KCNH1: variants seen among roughly 807,000 people sequenced by gnomAD.
KCNH1 encodes voltage-gated delayed rectifier potassium channel KCNH1.
Under a neutral mutation model 69.2 loss-of-function variants are expected in KCNH1, and 27 were observed. The ratio of observed to expected loss-of-function variants is 0.39; its 90% confidence interval spans 0.29 to 0.54. The LOEUF (loss-of-function observed/expected upper bound fraction) is 0.54. KCNH1 is among the 20% of genes least tolerant of loss of function. KCNH1 has a pLI of 0.68. For synonymous variants in KCNH1, 456 were observed against 487.7 expected (o/e 0.93, Z 0.86); for missense variants, 798 against 1,261.6 (o/e 0.63, Z 5.57).
intron 7 of KCNH1, among the ~76,000 whole-genome samples, chr1:210,917,223 G>GAAAGAA (rs1558524701): frequency 1.2e-5 from 1 of 83,246 alleles, no homozygotes; most frequent in Admixed American, 1.4e-4. Context: ...GAGAGAGAGA[G>GAAAGAA]AGAGAGAGAA....
At chr1:210,911,365 A>G (rs895255933) in intron 7 of KCNH1, among the ~76,000 whole-genome samples, 1 of 152,138 alleles carries the variant, frequency 6.6e-6, no homozygotes, top group Admixed American at 6.5e-5. Flanking sequence ...CCAGACTCCA[A>G]TAAATATAGA....
At chr1:210,689,721 G>A (rs1400011265) in intron 10 of KCNH1, among the ~76,000 whole-genome samples, 1 of 152,210 alleles carries the variant, frequency 6.6e-6, no homozygotes, top group African/African-American at 2.4e-5. Context: ...CAGTCACTGT[G>A]TGACCTTGGG....
chr1:211,100,731 G>A lies in KCNH1; in HGVS notation c.310+2765C>T, dbSNP rs539049608. 3.9e-5 allele frequency among the ~76,000 whole-genome samples: 6 copies of A among 152,332 alleles called. No homozygotes were observed. The South Asian group carries it at 1.2e-3, about 32-fold the overall frequency. Reference sequence around the variant, plus strand: ...GTGTCAGGCACTGGGCTGGGTGCAAGGGGTAGAGCTCTGAAAGAGACGCAC... The same window carrying A: ...GTGTCAGGCACTGGGCTGGGTGCAAAGGGTAGAGCTCTGAAAGAGACGCAC... On this transcript the variant is annotated intron_variant, in intron 3 of 10. Transcript: ENST00000271751.
intron 1 of KCNH1, among the ~76,000 whole-genome samples, chr1:211,121,581 G>C (rs1691685267): frequency 6.6e-6 from 1 of 152,136 alleles, no homozygotes; most frequent in Admixed American, 6.5e-5. Flanking sequence ...AAAAACCCTA[G>C]AAGAAAACCT....
chr1:210,841,794 T>C (rs775207309), intron 7 of KCNH1, among the ~76,000 whole-genome samples: 24 of 152,238 alleles, frequency 1.6e-4, no homozygotes, highest in Non-Finnish European at 2.5e-4. Context: ...TGAACCCTAA[T>C]AAAGTATGAT....
rs545184906 is a variant in KCNH1 at position 210,706,392 on chromosome 1, G to A, written c.2113-22254C>T. Among the ~76,000 whole-genome samples, 17 of 152,350 alleles carry A rather than the reference G, an allele frequency of 1.1e-4. 1 individual carries two copies. The South Asian group carries it at 1.2e-3, about 11-fold the overall frequency. ...AATATTTGCAGGAGCAAAATGCAGC[G>A]TGGAAAGTAAAATCTAACACAAAAT... On this transcript the variant is annotated intron_variant, in intron 10 of 10. Transcript: ENST00000271751.
intron 10 of KCNH1, among the ~76,000 whole-genome samples, chr1:210,751,401 G>C (rs1278436204): frequency 6.6e-6 from 1 of 152,198 alleles, no homozygotes; most frequent in East Asian, 1.9e-4. Flanking sequence ...ACTAGAAGAA[G>C]ATAGAGCCTG....
At chr1:211,059,751 A>G (rs1250432231) in intron 5 of KCNH1, among the ~76,000 whole-genome samples, 5 of 149,240 alleles carry the variant, frequency 3.4e-5, no homozygotes, top group African/African-American at 4.9e-5. Flanking sequence ...TCAAGAAAAA[A>G]AGAGTGAGAG....
rs1157352895 is a variant in KCNH1 at position 210,786,383 on chromosome 1, T to C, written c.1916-10839A>G. ...ATGACATTGTCTATTTCGTGAACTA[T>C]AGTTCTGTAACACTTGAAAATGACC... On this transcript the variant is annotated intron_variant, in intron 9 of 10. Transcript: ENST00000271751. Among the ~76,000 whole-genome samples, 3 of 152,344 alleles carry C rather than the reference T, an allele frequency of 2.0e-5. No homozygotes were observed. The East Asian group carries it at 5.8e-4, about 29-fold the overall frequency.
At position 211,012,849 on chromosome 1, in the gene KCNH1, G is replaced by A. The variant is rs141405283; in HGVS notation, c.1032+5934C>T. ...ATGATGACAAGTATACCACAGTAAGGCAAAATGTTAATAGAGAGGAAACTG... is the reference window on the plus strand; with the variant it reads ...ATGATGACAAGTATACCACAGTAAGACAAAATGTTAATAGAGAGGAAACTG... On this transcript the variant is annotated intron_variant, in intron 6 of 10. Transcript: ENST00000271751. Among the ~76,000 whole-genome samples the A allele has an allele frequency of 5.8e-3, 879 of 152,262 alleles. 3 individuals carry two copies. The highest frequency in any genetic ancestry group is 0.01 in the Non-Finnish European group (681 of 68,022).
chr1:210,874,013 T>G (rs1686311415), intron 7 of KCNH1, among the ~76,000 whole-genome samples: 1 of 152,300 alleles, frequency 6.6e-6, no homozygotes, highest in Admixed American at 6.5e-5. Context: ...GGGATTAATT[T>G]AGCCCTGCGC....
intron 6 of KCNH1, among the ~76,000 whole-genome samples, chr1:210,961,179 T>C (rs946366225): frequency 5.9e-5 from 9 of 152,184 alleles, no homozygotes; most frequent in Admixed American, 2.6e-4. Flanking sequence ...TTATTGGGTG[T>C]TTGTCTTATT....
chr1:211,045,041 G>GATATATAGATATATATATAT lies in KCNH1; in HGVS notation c.559-25786_559-25785insATATATATATATCTATATAT, dbSNP rs1164564038. ...ATCAATGTGTGGATAAATTGTGGGG[G>GATATATAGATATATATATAT]ATATATATATATATATATGAATAAT... On this transcript the variant is annotated intron_variant, in intron 5 of 10. Transcript: ENST00000271751. 2.9e-3 allele frequency among the ~76,000 whole-genome samples: 237 copies of GATATATAGATATATATATAT among 81,728 alleles called. 11 individuals are homozygous for GATATATAGATATATATATAT. The highest frequency in any genetic ancestry group is 8.4e-3 in the African/African-American group (198 of 23,604). The allele number at this position is 81,728 out of a possible 152,430, so 53.6% of individuals were successfully genotyped here.
intron 7 of KCNH1, among the ~76,000 whole-genome samples, chr1:210,820,185 C>T (rs1558483130): frequency 6.6e-6 from 1 of 152,206 alleles, no homozygotes; most frequent in Non-Finnish European, 1.5e-5. Flanking sequence ...ACTTAAACAT[C>T]AGCATTTTAT....
intron 10 of KCNH1, among the ~76,000 whole-genome samples, chr1:210,765,596 T>G (rs748791325): frequency 1.3e-5 from 2 of 152,184 alleles, no homozygotes; most frequent in Non-Finnish European, 2.9e-5. Flanking sequence ...GGTTATTATA[T>G]TTTATGCTGG....
chr1:210,994,714 C>T (rs1035688911), intron 6 of KCNH1, among the ~76,000 whole-genome samples: 7 of 152,132 alleles, frequency 4.6e-5, no homozygotes, highest in African/African-American at 9.7e-5. Context: ...TTGTAGTCAA[C>T]GCCCTTCAAA....
chr1:210,948,484 C>T (rs1380566119), intron 6 of KCNH1, among the ~76,000 whole-genome samples: 1 of 152,120 alleles, frequency 6.6e-6, no homozygotes, highest in Non-Finnish European at 1.5e-5. Flanking sequence ...CATACAGTCT[C>T]TGTCACAACT....
chr1:210,770,589 G>A (rs1271732584), intron 10 of KCNH1, among the ~76,000 whole-genome samples: 6 of 152,248 alleles, frequency 3.9e-5, no homozygotes, highest in East Asian at 1.9e-4. Flanking sequence ...TAACGAAAGC[G>A]AAATGTGTCA....
At chr1:210,930,011 A>G (rs1450737584) in intron 6 of KCNH1, among the ~76,000 whole-genome samples, 2 of 152,186 alleles carry the variant, frequency 1.3e-5, no homozygotes, top group Non-Finnish European at 2.9e-5. Flanking sequence ...ACTACAAAAC[A>G]CTGCTGAAAG....
Sources: allele counts gnomAD v4.1 joint callset (sites outside exome capture counted in the v4.1 genomes callset), GRCh38; gene constraint gnomAD v4.1.1; transcripts MANE v1.5; gene names NCBI Gene and HGNC (gene_info 2026-07-23, HGNC 2026-07-21).